IGF2R: variants seen among roughly 807,000 people sequenced by gnomAD.
IGF2R encodes insulin like growth factor 2 receptor, also known as cation-independent mannose-6-phosphate receptor.
In IGF2R, 91 loss-of-function variants were observed where a neutral mutation model predicts 270.6. The ratio of observed to expected loss-of-function variants is 0.34; its 90% CI spans 0.28 to 0.40. IGF2R has a LOEUF of 0.40. IGF2R is among the 10% of genes least tolerant of loss of function. The pLI, the probability that IGF2R is intolerant of heterozygous loss-of-function variation, is 1.00. For synonymous variants in IGF2R, 1,316 were observed against 1,258.9 expected (o/e 1.05, Z -0.96); for missense variants, 2,805 against 3,188.3 (o/e 0.88, Z 2.90).
intron 3 of IGF2R, 53 bp downstream of exon 3, chr6:160,009,187 C>G (rs985474597): frequency 8.5e-6 from 13 of 1,523,308 alleles, no homozygotes; most frequent in Non-Finnish European, 1.2e-5. Flanking sequence ...AAGGTCTGCC[C>G]CTTGGTGTTC....
chr6:160,027,225 C>A lies in IGF2R; in HGVS notation c.687C>A (p.Pro229=), dbSNP rs1025884357. ...CAGGTTCACAGCTGCGGGCCTGTCC[C>A]CCCGGCACTGCCGCCTGCCTGGTAA... ...RDPGSQLRAC[P]PGTAACLVRG... The change falls in exon 6 of 48, where the codon CCC becomes CCA. Residue 229 remains proline, a synonymous_variant. Coordinates refer to ENST00000356956, the MANE Select transcript of IGF2R (RefSeq NM_000876.4). 6.2e-7 allele frequency: 1 copy of A among 1,614,268 alleles called. No individual in the cohort carries two copies. The highest frequency in any genetic ancestry group is 8.5e-7 in the Non-Finnish European group (1 of 1,180,042).
At chr6:160,052,830 G>T (rs1049550563) in intron 19 of IGF2R, among the ~76,000 whole-genome samples, 7 of 152,130 alleles carry the variant, frequency 4.6e-5, no homozygotes, top group Non-Finnish European at 7.4e-5. Flanking sequence ...CAAGAAATGG[G>T]GAAAGGATTC....
At chr6:159,981,377 C>G (rs147420081) in intron 1 of IGF2R, among the ~76,000 whole-genome samples, 37 of 152,126 alleles carry the variant, frequency 2.4e-4, no homozygotes, top group African/African-American at 8.9e-4. Context: ...GTGCGTGTGT[C>G]TCTGTCTTCA....
chr6:160,036,728 AAC>A, intron 10 of IGF2R, among the ~76,000 whole-genome samples: 1 of 152,152 alleles, frequency 6.6e-6, no homozygotes, highest in East Asian at 1.9e-4. Flanking sequence ...CCAAACAAAA[AAC>A]ACAGGAGAGA....
At chr6:160,016,827 T>G (rs1051161271) in intron 4 of IGF2R, among the ~76,000 whole-genome samples, 1 of 152,226 alleles carries the variant, frequency 6.6e-6, no homozygotes, top group East Asian at 1.9e-4. Context: ...AATAAAACTA[T>G]GCAACATACA....
rs769559312 is a variant in IGF2R at position 160,075,991 on chromosome 6, A to G, written c.5311A>G (p.Ser1771Gly). Residue 1771 changes from serine (S) to glycine (G), a missense_variant, in exon 36 of 48, where the codon AGC becomes GGC. By Grantham distance (56) the Ser-to-Gly change is moderately conservative. Around this residue, in one of 2 missense-constraint regions of IGF2R, gnomAD observed 1,851 missense variants for 2,207.2 expected, o/e 0.84. Coordinates refer to ENST00000356956, the MANE Select transcript of IGF2R (RefSeq NM_000876.4). Reference sequence around the variant, plus strand: ...CGCGTTTCACTGTAAGAGAGGTGTGAGCATGGTAAGTGTGGGCCTGTGACG... The same window carrying G: ...CGCGTTTCACTGTAAGAGAGGTGTGGGCATGGTAAGTGTGGGCCTGTGACG... ...LIAFHCKRGVSMGTPKLLRTS... is the reference protein window; with the variant it reads ...LIAFHCKRGVGMGTPKLLRTS... 3 of 1,614,160 alleles carry G rather than the reference A, an allele frequency of 1.9e-6. No individual in the cohort carries two copies. Among genetic ancestry groups the G allele is most frequent in the Non-Finnish European group, 2.5e-6 (3 of 1,179,994 alleles).
At chr6:160,060,774 G>A in intron 23 of IGF2R, 57 bp downstream of exon 23, 1 of 1,549,022 alleles carries the variant, frequency 6.5e-7, no homozygotes, top group South Asian at 1.1e-5. Flanking sequence ...GTGTGTGTGA[G>A]TGGATATGAA....
At chr6:160,095,832 T>G (rs1190441203) in intron 44 of IGF2R, 2 of 152,522 alleles carry the variant, frequency 1.3e-5, no homozygotes, top group Non-Finnish European at 2.9e-5. Context: ...TTTCCTTGCT[T>G]TGGAAAGCTA....
At chr6:160,079,105 G>C (rs1778919416) in intron 37 of IGF2R, among the ~76,000 whole-genome samples, 1 of 152,204 alleles carries the variant, frequency 6.6e-6, no homozygotes, top group South Asian at 2.1e-4. Flanking sequence ...GGAGCCCTCT[G>C]CCTGGGTACA....
intron 1 of IGF2R, among the ~76,000 whole-genome samples, chr6:159,988,957 C>G (rs899389020): frequency 7.9e-5 from 12 of 152,052 alleles, no homozygotes; most frequent in Non-Finnish European, 1.8e-4. Context: ...TCTCTGTGCC[C>G]AGTAATACTT....
At chr6:160,088,356 C>T (rs1217954579) in intron 42 of IGF2R, among the ~76,000 whole-genome samples, 1 of 152,236 alleles carries the variant, frequency 6.6e-6, no homozygotes, top group Non-Finnish European at 1.5e-5. Context: ...TGCAACTTCT[C>T]TGGGCTAGCT....
chr6:160,029,499 G>A (rs1173311977), intron 6 of IGF2R, 51 bp from the exon 7 acceptor site: 2 of 1,168,070 alleles, frequency 1.7e-6, no homozygotes, highest in East Asian at 4.7e-5. Context: ...ATATGAATTT[G>A]GATGTACTTT....
chr6:160,005,868 C>G (rs1784215922), intron 2 of IGF2R: 1 of 153,932 alleles, frequency 6.5e-6, no homozygotes, highest in South Asian at 1.8e-4. Flanking sequence ...CAGGACCCCG[C>G]GCATCCTGGG....
Position 160,104,831 on chromosome 6 carries a change from A to G in IGF2R, c.7223A>G (p.Asp2408Gly). Residue 2408 changes from aspartate to glycine, a missense_variant, in exon 48 of 48, where the codon GAC becomes GGC. Coordinates refer to ENST00000356956, the MANE Select transcript of IGF2R (RefSeq NM_000876.4). ...AGCTCCCTGCATGGGGATGACCAGG[A>G]CAGTGAGGATGAGGTTCTGACCATC... ...ALSSLHGDDQ[D>G]SEDEVLTIPE... 1 of 1,614,212 alleles carries G rather than the reference A, an allele frequency of 6.2e-7. No individual in the cohort carries two copies. The highest frequency in any genetic ancestry group is 8.5e-7 in the Non-Finnish European group (1 of 1,180,040).
At chr6:160,078,100 C>A in intron 36 of IGF2R, 101 bp from the exon 37 acceptor site, 1 of 1,144,712 alleles carries the variant, frequency 8.7e-7, no homozygotes, top group Non-Finnish European at 1.3e-6. Flanking sequence ...CTCTGAGAGG[C>A]CGCTGTGGGT....
intron 10 of IGF2R, among the ~76,000 whole-genome samples, chr6:160,038,289 A>G (rs1281899992): frequency 6.6e-6 from 1 of 152,234 alleles, no homozygotes; most frequent in Non-Finnish European, 1.5e-5. Flanking sequence ...CATAGGCCTC[A>G]TGAATAGTGA....
intron 10 of IGF2R, among the ~76,000 whole-genome samples, chr6:160,040,138 G>A (rs1777912418): frequency 6.6e-6 from 1 of 152,182 alleles, no homozygotes; most frequent in Non-Finnish European, 1.5e-5. Flanking sequence ...AGTCAGCAGT[G>A]CACAGGGAAC....
Position 159,998,913 on chromosome 6 carries a change from A to T in IGF2R, c.289+7590A>T, listed in dbSNP as rs527832210. Among the ~76,000 whole-genome samples the T allele has an allele frequency of 6.6e-6, 1 of 152,230 alleles. No individual in the cohort carries two copies. The highest frequency in any genetic ancestry group is 1.5e-5 in the Non-Finnish European group (1 of 68,036). On this transcript the variant is annotated intron_variant, in intron 2 of 47. Coordinates refer to ENST00000356956, the MANE Select transcript of IGF2R (RefSeq NM_000876.4). The surrounding 1 kb of genome is among the most constrained non-coding windows in gnomAD (Gnocchi z 4.1). ...TAAAATATCTCATTTAATTCATTCAACAACCCTTTAAAGTAGGTGATTTCA... is the reference window on the plus strand; with the variant it reads ...TAAAATATCTCATTTAATTCATTCATCAACCCTTTAAAGTAGGTGATTTCA...
rs745385220 is a variant in IGF2R at position 160,050,615 on chromosome 6, C to T, written c.2657C>T (p.Thr886Ile). Residue 886 changes from threonine (T) to isoleucine (I), a missense_variant, in exon 19 of 48, where the codon ACC becomes ATC. Thr to Ile is a moderately conservative substitution (Grantham distance 89). This residue lies in a region of IGF2R where 1,851 missense variants were observed against 2,207.2 expected (regional missense o/e 0.84). Transcript: ENST00000356956. This position sits in a 1 kb window ranked among gnomAD's most constrained non-coding sequence, Gnocchi z 4.0. The part of the protein sequence containing the change: ...TTSDGRQTTY[T>I]TRIHLVCSRG... ...AGCGATGGCAGACAGACCACATATA[C>T]CACGAGGATCCATCTCGTCTGCTCC... 4 of 1,612,652 alleles carry T rather than the reference C, an allele frequency of 2.5e-6. No homozygotes were observed. Among genetic ancestry groups the T allele is most frequent in the Non-Finnish European group, 3.4e-6 (4 of 1,178,802 alleles).
Sources: allele counts gnomAD v4.1 joint callset (sites outside exome capture counted in the v4.1 genomes callset), GRCh38; gene constraint gnomAD v4.1.1; regional missense constraint gnomAD v4.1.1; non-coding constraint Gnocchi (gnomAD v3.1); transcripts MANE v1.5; gene names NCBI Gene and HGNC (gene_info 2026-07-23, HGNC 2026-07-21).